Variants in TAFA1 observed in about 807,000 individuals in gnomAD.
TAFA1 encodes the protein chemokine-like protein TAFA-1.
Under a neutral mutation model 18.5 loss-of-function variants are expected in TAFA1, and 4 were observed. The observed-to-expected ratio is 0.22, with a 90% confidence interval of 0.11 to 0.49. TAFA1 has a LOEUF of 0.49. Among genes scored for constraint, TAFA1 ranks in the 20% least tolerant of loss-of-function variants. The pLI is 0.98. For synonymous variants in TAFA1, 56 were observed against 55.2 expected, an observed-to-expected ratio of 1.01 and a Z score of -0.06; for missense variants, 147 against 169.0, an observed-to-expected ratio of 0.87 and a Z score of 0.72.
intron 2 of TAFA1, among the ~76,000 whole-genome samples, chr3:68,298,726 T>C (rs1332311467): frequency 6.6e-6 from 1 of 152,202 alleles, no homozygotes; most frequent in East Asian, 1.9e-4. Flanking sequence ...TGCCACTTTT[T>C]GAAGAAGATC....
chr3:68,272,150 A>G (rs992971295), intron 2 of TAFA1, among the ~76,000 whole-genome samples: 3 of 152,128 alleles, frequency 2.0e-5, no homozygotes, highest in African/African-American at 7.2e-5. Flanking sequence ...CCTTATTCCC[A>G]CCAGGTGAAA....
At position 68,363,884 on chromosome 3, in the gene TAFA1, A is replaced by C. The variant is rs548091421; in HGVS notation, c.119-53396A>C. ...TTCTCAAGGTTACAACATTGCGAAC[A>C]TAAGTTTTTACCCATTACCTTACTC... On this transcript the variant is annotated intron_variant, in intron 2 of 4. Transcript: ENST00000478136. Among the ~76,000 whole-genome samples, 23 of 152,266 alleles carry C rather than the reference A, an allele frequency of 1.5e-4. No individual in the cohort carries two copies. In the South Asian group the frequency reaches 4.1e-3, roughly 27 times the overall value.
chr3:68,544,577 T>G lies in TAFA1; in HGVS notation c.*74T>G. On this transcript the variant is annotated 3_prime_UTR_variant, in exon 5 of 5. Transcript: ENST00000478136. ...TTTTGAGAATCTCAAACATCTCACA[T>G]ATATACAAGCCAAATGGATTTCTTA... 1 of 1,458,174 alleles carries G rather than the reference T, an allele frequency of 6.9e-7. No individual in the cohort carries two copies. The highest frequency in any genetic ancestry group is 2.3e-5 in the East Asian group (1 of 43,746). The allele number at this position is 1,458,174 out of a possible 1,614,324, so 90.3% of individuals were successfully genotyped here. A position where few individuals can be genotyped will look rare whatever the true frequency, so the allele number is the denominator to read the frequency against.
At chr3:68,415,631 G>T (rs1193528900) in intron 2 of TAFA1, among the ~76,000 whole-genome samples, 1 of 152,012 alleles carries the variant, frequency 6.6e-6, no homozygotes, top group South Asian at 2.1e-4. Flanking sequence ...CACCTACAAA[G>T]ATATAAATAA....
chr3:68,512,113 T>A (rs1246957537), intron 3 of TAFA1, among the ~76,000 whole-genome samples: 1 of 152,088 alleles, frequency 6.6e-6, no homozygotes, highest in Non-Finnish European at 1.5e-5. Context: ...TCTCACCAAC[T>A]CCAGTGATAA....
chr3:68,432,832 A>T (rs1160472278), intron 3 of TAFA1, among the ~76,000 whole-genome samples: 2 of 151,970 alleles, frequency 1.3e-5, no homozygotes, highest in Non-Finnish European at 2.9e-5. Flanking sequence ...AGGAGTGTGC[A>T]TTTCACTGAA....
chr3:68,191,465 T>C (rs1039470827), intron 2 of TAFA1, among the ~76,000 whole-genome samples: 1 of 151,840 alleles, frequency 6.6e-6, no homozygotes, highest in African/African-American at 2.4e-5. Flanking sequence ...TGTGGCACAC[T>C]AACGATGCTA....
At chr3:68,520,070 G>A (rs749022584) in intron 3 of TAFA1, among the ~76,000 whole-genome samples, 8 of 152,188 alleles carry the variant, frequency 5.3e-5, no homozygotes, top group Non-Finnish European at 1.0e-4. Flanking sequence ...CCTATACTCA[G>A]AATGTTGCAC....
At chr3:68,539,011 C>G in intron 4 of TAFA1, 131 bp downstream of exon 4, 1 of 904,390 alleles carries the variant, frequency 1.1e-6, no homozygotes, top group Non-Finnish European at 1.7e-6. Flanking sequence ...GCATTCTGAA[C>G]TATGCAGATC....
chr3:68,539,619 G>A (rs1028587198), intron 4 of TAFA1, among the ~76,000 whole-genome samples: 5 of 140,022 alleles, frequency 3.6e-5, no homozygotes. Context: ...ATATGTATGT[G>A]TATCAATTGA....
chr3:68,541,857 A>G (rs2073381744), intron 4 of TAFA1, among the ~76,000 whole-genome samples: 1 of 152,156 alleles, frequency 6.6e-6, no homozygotes, highest in South Asian at 2.1e-4. Flanking sequence ...ATCCTGAACA[A>G]AATTCTCTTC....
At chr3:68,031,202 A>G (rs1704927965) in intron 2 of TAFA1, among the ~76,000 whole-genome samples, 2 of 152,204 alleles carry the variant, frequency 1.3e-5, no homozygotes, top group African/African-American at 4.8e-5. Flanking sequence ...ATAATGTTTT[A>G]ATACAAACAT....
At chr3:67,995,414 A>G in the TAFA1 span, among the ~76,000 whole-genome samples, 1 of 152,094 alleles carries the variant, frequency 6.6e-6, no homozygotes, top group Non-Finnish European at 1.5e-5. Context: ...TCTCCAGATT[A>G]TTGTAACTTA....
At chr3:68,233,620 A>C (rs2066896059) in intron 2 of TAFA1, among the ~76,000 whole-genome samples, 1 of 152,038 alleles carries the variant, frequency 6.6e-6, no homozygotes, top group Admixed American at 6.6e-5. Flanking sequence ...ATGGTTTTCT[A>C]CAAATTTTAG....
chr3:68,069,291 G>A (rs2064722333), intron 2 of TAFA1, among the ~76,000 whole-genome samples: 2 of 152,210 alleles, frequency 1.3e-5, no homozygotes, highest in Non-Finnish European at 2.9e-5. Context: ...AAGCCAAGGA[G>A]GAACAAGTCA....
chr3:68,441,304 A>G (rs558596440), intron 3 of TAFA1, among the ~76,000 whole-genome samples: 199 of 152,260 alleles, frequency 1.3e-3, no homozygotes, highest in Non-Finnish European at 2.0e-3. Context: ...AGCAGATCCA[A>G]TGGTGCTTGA....
chr3:68,461,395 A>ATATATGTATG (rs1449895873), intron 3 of TAFA1, among the ~76,000 whole-genome samples: 1 of 145,354 alleles, frequency 6.9e-6, no homozygotes, highest in Non-Finnish European at 1.5e-5. Flanking sequence ...GTATGTATAT[A>ATATATGTATG]TCCATCCCAT....
At chr3:68,082,965 C>G (rs1005354332) in intron 2 of TAFA1, among the ~76,000 whole-genome samples, 3 of 152,108 alleles carry the variant, frequency 2.0e-5, no homozygotes, top group South Asian at 2.1e-4. Context: ...TTCTACCTAC[C>G]CTTTAGGGAT....
intron 2 of TAFA1, among the ~76,000 whole-genome samples, chr3:68,086,541 T>C (rs2064972374): frequency 6.6e-6 from 1 of 152,228 alleles, no homozygotes; most frequent in South Asian, 2.1e-4. Flanking sequence ...CTTATAGAAC[T>C]GTATAAAAAA....
Sources: gnomAD v4.1 joint callset for allele counts (sites outside exome capture counted in the v4.1 genomes callset) on GRCh38, gnomAD v4.1.1 for gene constraint, MANE v1.5 for transcripts, NCBI Gene and HGNC (gene_info 2026-07-23, HGNC 2026-07-21) for gene names.